Variants in TBC1D31 observed in about 807,000 individuals in gnomAD.
TBC1D31 encodes TBC1 domain family member 31.
TBC1D31 carries 99 observed loss-of-function variants against 132.9 expected under a neutral mutation model. That is an observed-to-expected ratio of 0.74 (90% CI 0.63 to 0.88). The LOEUF is 0.88. TBC1D31 is among the 40% of genes least tolerant of loss of function. The pLI, the probability that TBC1D31 is intolerant of heterozygous loss-of-function variation, is 0.00. For missense variants in TBC1D31, 1,134 were observed against 1,256.6 expected, an observed-to-expected ratio of 0.90 and a Z score of 1.48; for synonymous variants, 385 against 419.4, an observed-to-expected ratio of 0.92 and a Z score of 1.00.
chr8:123,109,248 A>C (rs1818234782), intron 8 of TBC1D31, 69 bp from the exon 9 acceptor site: 1 of 1,127,442 alleles, frequency 8.9e-7, no homozygotes, highest in Admixed American at 2.0e-5. Context: ...ACTGTGGACT[A>C]GATTACCTTT....
intron 2 of TBC1D31, among the ~76,000 whole-genome samples, chr8:123,079,503 T>G (rs1814911323): frequency 6.6e-6 from 1 of 152,250 alleles, no homozygotes; most frequent in Admixed American, 6.5e-5. Flanking sequence ...TTATTCTTGC[T>G]TAACTTACCT....
chr8:123,113,104 G>A (rs1818600780), intron 10 of TBC1D31, among the ~76,000 whole-genome samples: 1 of 152,166 alleles, frequency 6.6e-6, no homozygotes, highest in Admixed American at 6.5e-5. Flanking sequence ...AATTTCCTGA[G>A]TTCAGAGGAC....
At chr8:123,156,808 C>T (rs1372660056), downstream of TBC1D31, among the ~76,000 whole-genome samples, 3 of 152,228 alleles carry the variant, frequency 2.0e-5, no homozygotes, top group Non-Finnish European at 4.4e-5. Context: ...CCCGCAGCTC[C>T]CTCGCCGGCC....
intron 17 of TBC1D31, among the ~76,000 whole-genome samples, chr8:123,139,972 G>A (rs776784440): frequency 1.1e-4 from 16 of 152,206 alleles, no homozygotes; most frequent in Non-Finnish European, 7.3e-5. Flanking sequence ...AGGTCAAACA[G>A]TGACAGTTCT....
the TBC1D31 span, among the ~76,000 whole-genome samples, chr8:123,158,645 A>G: frequency 6.6e-6 from 1 of 152,158 alleles, no homozygotes; most frequent in Non-Finnish European, 1.5e-5. Flanking sequence ...ATCACCTAGA[A>G]TTTGAGAGAT....
At chr8:123,090,501 G>A (rs1446704010) in intron 4 of TBC1D31, among the ~76,000 whole-genome samples, 1 of 152,166 alleles carries the variant, frequency 6.6e-6, no homozygotes, top group Admixed American at 6.5e-5. Context: ...CTTTGTGATG[G>A]ATATCAGAAA....
Position 123,110,964 on chromosome 8 carries a change from A to G in TBC1D31, c.1436+1344A>G, listed in dbSNP as rs1384922963. On this transcript the variant is annotated intron_variant, in intron 10 of 21. Coordinates refer to ENST00000287380, the MANE Select transcript of TBC1D31 (RefSeq NM_145647.4). ...ATTTGTTGGAGAAACCAGATCGTTTAACCCATACAGCCCTCTATGTTCTGG... is the reference window on the plus strand; with the variant it reads ...ATTTGTTGGAGAAACCAGATCGTTTGACCCATACAGCCCTCTATGTTCTGG... 3.3e-5 allele frequency among the ~76,000 whole-genome samples: 5 copies of G among 152,144 alleles called. No individual in the cohort carries two copies. In the South Asian group the frequency reaches 1.0e-3, roughly 32 times the overall value.
At chr8:123,149,672 G>A (rs1822587078) in intron 20 of TBC1D31, among the ~76,000 whole-genome samples, 1 of 152,216 alleles carries the variant, frequency 6.6e-6, no homozygotes, top group Non-Finnish European at 1.5e-5. Context: ...CTGATTTGCT[G>A]TATGTTGTGA....
At chr8:123,095,400 C>T (rs1031080797) in intron 5 of TBC1D31, among the ~76,000 whole-genome samples, 1 of 152,096 alleles carries the variant, frequency 6.6e-6, no homozygotes, top group Non-Finnish European at 1.5e-5. Flanking sequence ...CTCATCAACC[C>T]TTTGGTTATT....
downstream of TBC1D31, among the ~76,000 whole-genome samples, chr8:123,156,954 C>A (rs1204051969): frequency 6.6e-6 from 1 of 152,128 alleles, no homozygotes; most frequent in East Asian, 1.9e-4. Flanking sequence ...ACCCCCTCCT[C>A]CCCCCCGCGA....
At chr8:123,083,014 C>G in intron 3 of TBC1D31, 197 bp downstream of exon 3, 1 of 521,446 alleles carries the variant, frequency 1.9e-6, no homozygotes, top group Non-Finnish European at 3.4e-6. Flanking sequence ...TTCCTGACTA[C>G]TGTCAGGTTT....
At chr8:123,118,565 A>T (rs1355649135) in intron 10 of TBC1D31, among the ~76,000 whole-genome samples, 1 of 152,196 alleles carries the variant, frequency 6.6e-6, no homozygotes, top group Non-Finnish European at 1.5e-5. Context: ...ACAAAGACTC[A>T]TGTAAAACTG....
chr8:123,160,127 C>T, the TBC1D31 span, among the ~76,000 whole-genome samples: 3 of 152,202 alleles, frequency 2.0e-5, no homozygotes, highest in Non-Finnish European at 4.4e-5. Context: ...TGACACATTA[C>T]ATTTAATGGT....
At chr8:123,138,497 C>G in intron 17 of TBC1D31, among the ~76,000 whole-genome samples, 1 of 152,110 alleles carries the variant, frequency 6.6e-6, no homozygotes, top group East Asian at 1.9e-4. Context: ...TTGGTACATA[C>G]AATTTGTGTT....
intron 4 of TBC1D31, among the ~76,000 whole-genome samples, chr8:123,086,353 C>T (rs945133654): frequency 6.6e-6 from 1 of 152,182 alleles, no homozygotes; most frequent in African/African-American, 2.4e-5. Flanking sequence ...CTGACACTGC[C>T]TCAATGAAGT....
chr8:123,147,277 A>G (rs542836495), intron 20 of TBC1D31, among the ~76,000 whole-genome samples: 10 of 152,048 alleles, frequency 6.6e-5, no homozygotes, highest in African/African-American at 2.2e-4. Context: ...GGTTCAAGCA[A>G]TTCTCCTGCC....
chr8:123,099,222 C>T (rs942039464), intron 6 of TBC1D31, among the ~76,000 whole-genome samples: 8 of 152,132 alleles, frequency 5.3e-5, no homozygotes, highest in Admixed American at 6.5e-5. Flanking sequence ...CAGGTTCACG[C>T]CATTCTCCTG....
chr8:123,144,720 A>G lies in TBC1D31; in HGVS notation c.2839A>G (p.Lys947Glu). The stretch of plus-strand genomic sequence containing the variant: ...TTTTCCATTTATTTGAATTTAGTGG[A>G]AGGAAGCTGAAGGAAAAGAGTTCCG... Reference protein sequence around the residue: ...AMVEEEAKKWKEAEGKEFRLR... With the variant: ...AMVEEEAKKWEEAEGKEFRLR... The change falls in exon 20 of 22, where the codon AAG (lysine) becomes GAG (glutamate). Residue 947 changes from lysine to glutamate, a missense_variant. Physicochemically the swap from Lys to Glu is moderately conservative, Grantham distance 56 (BLOSUM62 1). Transcript: ENST00000287380. 4 of 1,601,656 alleles carry G rather than the reference A, an allele frequency of 2.5e-6. No individual in the cohort carries two copies. The highest frequency in any genetic ancestry group is 3.4e-6 in the Non-Finnish European group (4 of 1,177,010).
chr8:123,145,339 T>C (rs1822094249), intron 20 of TBC1D31, among the ~76,000 whole-genome samples: 1 of 152,184 alleles, frequency 6.6e-6, no homozygotes, highest in Non-Finnish European at 1.5e-5. Flanking sequence ...GGTGGGACTA[T>C]TACAGAAACA....
Sources: gnomAD v4.1 joint callset for allele counts (sites outside exome capture counted in the v4.1 genomes callset) on GRCh38, gnomAD v4.1.1 for gene constraint, MANE v1.5 for transcripts, NCBI Gene and HGNC (gene_info 2026-07-23, HGNC 2026-07-21) for gene names.